The following WDR7 variants were observed in gnomAD, a reference collection of about 807,000 sequenced individuals.
The protein encoded by WDR7 is WD repeat-containing protein 7.
Under a neutral mutation model 169.4 loss-of-function variants are expected in WDR7, and 46 were observed. The ratio of observed to expected loss-of-function variants is 0.27; its 90% CI spans 0.21 to 0.35. WDR7 has a LOEUF of 0.35. Ranked by LOEUF, WDR7 falls within the 10% of genes least tolerant of loss-of-function variation. The probability of loss-of-function intolerance (pLI) is 1.00; values close to 1 mark genes in which losing one functional copy is unlikely to be tolerated. For synonymous variants in WDR7, 612 were observed against 666.8 expected, an observed-to-expected ratio of 0.92 and a Z score of 1.27; for missense variants, 1,534 against 1,859.3, an observed-to-expected ratio of 0.83 and a Z score of 3.22.
At chr18:56,735,725 C>T (rs1306567194) in intron 14 of WDR7, among the ~76,000 whole-genome samples, 1 of 152,130 alleles carries the variant, frequency 6.6e-6, no homozygotes. Context: ...ATATTTTAGG[C>T]TTTGTGGACT....
intron 22 of WDR7, among the ~76,000 whole-genome samples, chr18:56,933,737 C>T (rs1260067855): frequency 6.6e-6 from 1 of 152,230 alleles, no homozygotes; most frequent in African/African-American, 2.4e-5. Context: ...ACTACCCAGC[C>T]TGTCACTTAA....
At chr18:56,766,751 G>T (rs1253546354) in intron 16 of WDR7, among the ~76,000 whole-genome samples, 1 of 150,482 alleles carries the variant, frequency 6.6e-6, no homozygotes, top group African/African-American at 2.4e-5. Flanking sequence ...TTTTGATTTG[G>T]GTCTTAAAAT....
At chr18:56,728,887 GC>G (rs1453320694) in intron 13 of WDR7, among the ~76,000 whole-genome samples, 4 of 152,212 alleles carry the variant, frequency 2.6e-5, no homozygotes, top group Non-Finnish European at 1.5e-5. Flanking sequence ...CACCCTCTCA[GC>G]CTCTGACATA....
intron 14 of WDR7, among the ~76,000 whole-genome samples, chr18:56,753,833 G>A (rs541092390): frequency 1.3e-5 from 2 of 152,092 alleles, no homozygotes; most frequent in Non-Finnish European, 2.9e-5. Flanking sequence ...AGCTCGGAAG[G>A]TATTTGATGT....
At chr18:56,982,741 A>G (rs942521656) in intron 26 of WDR7, among the ~76,000 whole-genome samples, 1 of 152,218 alleles carries the variant, frequency 6.6e-6, no homozygotes, top group Admixed American at 6.5e-5. Context: ...ATCTGCTAGC[A>G]TTATGTCCAT....
At chr18:56,968,804 A>T (rs995530740) in intron 26 of WDR7, among the ~76,000 whole-genome samples, 2 of 152,110 alleles carry the variant, frequency 1.3e-5, no homozygotes, top group Non-Finnish European at 2.9e-5. Flanking sequence ...CCTCTCTCTC[A>T]AATTCTATCT....
intron 23 of WDR7, among the ~76,000 whole-genome samples, chr18:56,936,851 A>G (rs770005875): frequency 2.2e-4 from 34 of 152,170 alleles, no homozygotes; most frequent in Non-Finnish European, 3.1e-4. Context: ...ATAGTGCATA[A>G]TGTTATAGTA....
At chr18:56,847,738 G>A (rs2045587475) in intron 20 of WDR7, among the ~76,000 whole-genome samples, 1 of 152,170 alleles carries the variant, frequency 6.6e-6, no homozygotes, top group Admixed American at 6.5e-5. Context: ...TGTGGTTCAG[G>A]TGCTCAGGTA....
At chr18:56,895,137 A>G (rs992066889) in intron 21 of WDR7, among the ~76,000 whole-genome samples, 10 of 151,994 alleles carry the variant, frequency 6.6e-5, no homozygotes, top group Admixed American at 4.6e-4. Context: ...ATTTTAGCAA[A>G]TGTAGCAAAA....
In WDR7 at chr18:56,654,552, AT is replaced by A. The variant is rs572911053; in HGVS notation, c.-20+2979del. Among the ~76,000 whole-genome samples the A allele has an allele frequency of 3.3e-3, 504 of 152,232 alleles. 3 individuals carry two copies. Among genetic ancestry groups the A allele is most frequent in the Non-Finnish European group, 5.2e-3 (354 of 68,002 alleles). ...AGTTCTTTCTTGTTGATTTGCGGAC[AT>A]TTCTTGTATTCCATAGATACTAATC... On this transcript the variant is annotated intron_variant, in intron 1 of 27. Transcript: ENST00000254442.
intron 20 of WDR7, among the ~76,000 whole-genome samples, chr18:56,822,402 T>C (rs1014901295): frequency 2.6e-5 from 4 of 152,214 alleles, no homozygotes; most frequent in Non-Finnish European, 5.9e-5. Context: ...TGAGACTAAA[T>C]ATTGATTTGT....
chr18:56,831,353 C>G (rs2045304842), intron 20 of WDR7, among the ~76,000 whole-genome samples: 1 of 152,026 alleles, frequency 6.6e-6, no homozygotes, highest in Non-Finnish European at 1.5e-5. Context: ...CTGCTTTACT[C>G]ATATTCAGGG....
At chr18:56,704,227 A>G (rs932528212) in intron 12 of WDR7, among the ~76,000 whole-genome samples, 1 of 152,078 alleles carries the variant, frequency 6.6e-6, no homozygotes, top group Non-Finnish European at 1.5e-5. Flanking sequence ...CTACTATTCT[A>G]TACTATTGTT....
chr18:56,843,838 G>T (rs886738060), intron 20 of WDR7, among the ~76,000 whole-genome samples: 1 of 150,016 alleles, frequency 6.7e-6, no homozygotes, highest in Non-Finnish European at 1.5e-5. Context: ...ATCAACACTC[G>T]ATATTTTCTT....
At chr18:56,983,305 C>G (rs558882052) in intron 26 of WDR7, among the ~76,000 whole-genome samples, 2 of 152,240 alleles carry the variant, frequency 1.3e-5, no homozygotes, top group East Asian at 3.9e-4. Flanking sequence ...TAAATATTTA[C>G]AAAGCTTCAA....
chr18:57,021,530 T>G (rs1458972874), intron 27 of WDR7, among the ~76,000 whole-genome samples: 2 of 152,222 alleles, frequency 1.3e-5, no homozygotes, highest in Non-Finnish European at 2.9e-5. Flanking sequence ...TTCAGAACAT[T>G]TCTTAAGATC....
chr18:56,783,808 A>G (rs2145083099), intron 19 of WDR7, among the ~76,000 whole-genome samples: 1 of 152,342 alleles, frequency 6.6e-6, no homozygotes, highest in East Asian at 1.9e-4. Flanking sequence ...GGAAAAAGAG[A>G]TGCCATTAGC....
chr18:57,018,149 A>G (rs1419060916), intron 26 of WDR7, among the ~76,000 whole-genome samples: 1 of 152,228 alleles, frequency 6.6e-6, no homozygotes, highest in Non-Finnish European at 1.5e-5. Context: ...TGATTAAGGA[A>G]GGATGCTAAT....
intron 21 of WDR7, among the ~76,000 whole-genome samples, chr18:56,885,529 G>A (rs2145500972): frequency 6.6e-6 from 1 of 151,844 alleles, no homozygotes; most frequent in Non-Finnish European, 1.5e-5. Context: ...GCAGAAGAAA[G>A]AACTTCAGAA....
Sources: allele counts gnomAD v4.1 joint callset (sites outside exome capture counted in the v4.1 genomes callset), GRCh38; gene constraint gnomAD v4.1.1; transcripts MANE v1.5; gene names NCBI Gene and HGNC (gene_info 2026-07-23, HGNC 2026-07-21).